The following AP1AR variants were observed in gnomAD, a reference collection of about 807,000 sequenced individuals.
AP1AR encodes AP-1 complex-associated regulatory protein.
A neutral mutation model predicts 46.3 loss-of-function variants in AP1AR; 29 were observed. That is an observed-to-expected ratio of 0.63 (90% CI 0.47 to 0.85). The LOEUF (loss-of-function observed/expected upper bound fraction) is 0.85, where lower values mean the gene tolerates loss of function less well. Ranked by LOEUF, AP1AR falls within the 40% of genes least tolerant of loss-of-function variation. The pLI is 0.00. For missense variants in AP1AR, 357 were observed against 356.3 expected, an observed-to-expected ratio of 1.00 and a Z score of -0.02; for synonymous variants, 122 against 122.9, an observed-to-expected ratio of 0.99 and a Z score of 0.05.
At chr4:112,246,648 C>T (rs1024478227) in intron 1 of AP1AR, among the ~76,000 whole-genome samples, 1 of 152,196 alleles carries the variant, frequency 6.6e-6, no homozygotes, top group African/African-American at 2.4e-5. Flanking sequence ...ATGTAACTGT[C>T]AAGGAACTAT....
intron 4 of AP1AR, 80 bp from the exon 5 acceptor site, chr4:112,260,686 C>G (rs1278239078): frequency 3.4e-6 from 3 of 872,236 alleles, no homozygotes; most frequent in Non-Finnish European, 5.0e-6. Context: ...ATTTCACTGG[C>G]TTTTTGAGTG....
At chr4:112,267,111 T>C (rs1726741693) in intron 9 of AP1AR, among the ~76,000 whole-genome samples, 1 of 151,858 alleles carries the variant, frequency 6.6e-6, no homozygotes, top group South Asian at 2.1e-4. Context: ...AGTATCTAGC[T>C]CATATTTTTT....
chr4:112,264,962 T>C, intron 6 of AP1AR, 47 bp from the exon 7 acceptor site: 1 of 1,456,652 alleles, frequency 6.9e-7, no homozygotes, highest in Non-Finnish European at 9.3e-7. Flanking sequence ...TTAAAATATA[T>C]AATTTTACAA....
rs1726828616 is a variant in AP1AR, at chr4:112,268,854, TGTTCCC to T, written c.*449_*454del. 6.6e-6 allele frequency: 1 copy of T among 152,626 alleles called. No homozygotes were observed. Among genetic ancestry groups the T allele is most frequent in the Middle Eastern group, 3.2e-3 (1 of 316 alleles). The allele number at this position is 152,626 out of a possible 1,614,324, so 9.5% of individuals were successfully genotyped here. On this transcript the variant is annotated 3_prime_UTR_variant, in exon 10 of 10. Coordinates refer to ENST00000274000, the MANE Select transcript of AP1AR (RefSeq NM_018569.6). ...ATCGTCAGATTCAGATTTAGAATAG[TGTTCCC>T]GTTTCCAGCATTATTTATTTCTATG...
intron 4 of AP1AR, among the ~76,000 whole-genome samples, chr4:112,258,409 G>A (rs1052722981): frequency 1.3e-5 from 2 of 152,170 alleles, no homozygotes; most frequent in African/African-American, 4.8e-5. Flanking sequence ...ATCAGACATA[G>A]TCTCTCCATT....
chr4:112,248,306 G>T (rs1196365581), intron 1 of AP1AR, among the ~76,000 whole-genome samples: 1 of 152,224 alleles, frequency 6.6e-6, no homozygotes, highest in East Asian at 1.9e-4. Context: ...GCTTTTGTTT[G>T]ATTCTGATTT....
At chr4:112,246,068 G>T (rs867175440) in intron 1 of AP1AR, among the ~76,000 whole-genome samples, 50 of 152,048 alleles carry the variant, frequency 3.3e-4, no homozygotes, top group African/African-American at 1.1e-3. Context: ...TAATGATGCT[G>T]CCCTATATAC....
chr4:112,247,357 T>C (rs1013374507), intron 1 of AP1AR, among the ~76,000 whole-genome samples: 5 of 152,232 alleles, frequency 3.3e-5, no homozygotes, highest in South Asian at 2.1e-4. Flanking sequence ...GGGTTAAATA[T>C]AGGAATACTT....
At position 112,270,354 on chromosome 4, in the gene AP1AR, T is replaced by TGG. The variant is rs1327794149; in HGVS notation, c.*1945_*1946insGG. ...GACATATAAGGTCTCTGCTCTTTGC[T>TGG]TACCATTCTGGTGAGAGAGAGAGAC... On this transcript the variant is annotated 3_prime_UTR_variant, in exon 10 of 10. Transcript: ENST00000274000. Among the ~76,000 whole-genome samples, 5 of 152,200 alleles carry TGG rather than the reference T, an allele frequency of 3.3e-5. 1 individual carries two copies. Among genetic ancestry groups the TGG allele is most frequent in the Admixed American group, 1.3e-4 (2 of 15,282 alleles).
intron 3 of AP1AR, among the ~76,000 whole-genome samples, chr4:112,255,546 G>A (rs1726153774): frequency 1.3e-5 from 2 of 152,312 alleles, no homozygotes; most frequent in Admixed American, 6.5e-5. Context: ...GACCATCGGT[G>A]TGTACCACTT....
At position 112,271,819 on chromosome 4, in the gene AP1AR, C is replaced by T. The variant is rs1282644150; in HGVS notation, c.*3410C>T. ...GAGGTCTAGGTTCAAGTTTGGGAGTCATTAGTAGGAAAATGGTATTTTAAG... is the reference window on the plus strand; with the variant it reads ...GAGGTCTAGGTTCAAGTTTGGGAGTTATTAGTAGGAAAATGGTATTTTAAG... On this transcript the variant is annotated 3_prime_UTR_variant, in exon 10 of 10. Transcript: ENST00000274000. Among the ~76,000 whole-genome samples, 1 of 152,112 alleles carries T rather than the reference C, an allele frequency of 6.6e-6. No individual in the cohort carries two copies. The highest frequency in any genetic ancestry group is 1.5e-5 in the Non-Finnish European group (1 of 68,026).
intron 1 of AP1AR, among the ~76,000 whole-genome samples, chr4:112,246,342 C>T (rs1725726054): frequency 6.6e-6 from 1 of 152,090 alleles, no homozygotes; most frequent in Non-Finnish European, 1.5e-5. Flanking sequence ...CCCATCTCTA[C>T]TAAAAATACA....
chr4:112,239,089 C>T lies in AP1AR; in HGVS notation c.83+6915C>T, dbSNP rs535831120. Among the ~76,000 whole-genome samples the T allele has an allele frequency of 2.6e-5, 4 of 152,284 alleles. No individual in the cohort carries two copies. The East Asian group carries it at 5.8e-4, about 22-fold the overall frequency. On this transcript the variant is annotated intron_variant, in intron 1 of 9. Coordinates refer to ENST00000274000, the MANE Select transcript of AP1AR (RefSeq NM_018569.6). The stretch of plus-strand genomic sequence containing the variant: ...GATCTTTCTAACATCTATATCCTCT[C>T]TGCCTTAAAACAGACCCTTCTGTCC...
chr4:112,268,489 C>G lies in AP1AR; in HGVS notation c.*80C>G. ...AGAATGTATAAGTGATTGTGCTTAG[C>G]CTTTTTGTAAGGGAGATGTGTAAGA... On this transcript the variant is annotated 3_prime_UTR_variant, in exon 10 of 10. Coordinates refer to ENST00000274000, the MANE Select transcript of AP1AR (RefSeq NM_018569.6). 7.2e-7 allele frequency: 1 copy of G among 1,397,706 alleles called. No homozygotes were observed. The highest frequency in any genetic ancestry group is 1.6e-5 in the South Asian group (1 of 63,154). The allele number at this position is 1,397,706 out of a possible 1,614,324, so 86.6% of individuals were successfully genotyped here.
intron 1 of AP1AR, among the ~76,000 whole-genome samples, chr4:112,238,310 G>A (rs1183803630): frequency 2.6e-5 from 4 of 152,088 alleles, no homozygotes; most frequent in African/African-American, 9.7e-5. Flanking sequence ...TTTTTTTAAG[G>A]CCTAAAGATA....
chr4:112,265,008 G>A lies in AP1AR; in HGVS notation c.382-1G>A. 6.3e-7 allele frequency: 1 copy of A among 1,597,372 alleles called. No homozygotes were observed. Among genetic ancestry groups the A allele is most frequent in the Non-Finnish European group, 8.5e-7 (1 of 1,173,802 alleles). On this transcript the variant is annotated splice_acceptor_variant, in intron 6 of 9. Transcript: ENST00000274000. LOFTEE classifies it high-confidence loss of function. ...TTTTTTATTACATTATGTTTCCAAAGCAAGAAAGGCAGAGAATTGTGCAGC... is the reference window on the plus strand; with the variant it reads ...TTTTTTATTACATTATGTTTCCAAAACAAGAAAGGCAGAGAATTGTGCAGC...
intron 1 of AP1AR, among the ~76,000 whole-genome samples, chr4:112,235,266 T>A (rs1725191055): frequency 6.6e-6 from 1 of 152,228 alleles, no homozygotes. Flanking sequence ...AGTTTTTTCT[T>A]TCTCAGATAG....
intron 1 of AP1AR, among the ~76,000 whole-genome samples, chr4:112,233,849 G>A (rs1725125649): frequency 6.6e-6 from 1 of 152,046 alleles, no homozygotes; most frequent in East Asian, 1.9e-4. Flanking sequence ...AACATAAGCA[G>A]GTGGAGTATT....
intron 5 of AP1AR, among the ~76,000 whole-genome samples, chr4:112,262,734 A>G (rs910665702): frequency 6.6e-6 from 1 of 152,234 alleles, no homozygotes; most frequent in Non-Finnish European, 1.5e-5. Context: ...ACACTTCTAT[A>G]TTTATACAGA....
Sources: gnomAD v4.1 joint callset for allele counts (sites outside exome capture counted in the v4.1 genomes callset) on GRCh38, gnomAD v4.1.1 for gene constraint, MANE v1.5 for transcripts, NCBI Gene and HGNC (gene_info 2026-07-23, HGNC 2026-07-21) for gene names.